Variants in NUDT4 observed in about 807,000 individuals in gnomAD.
The protein encoded by NUDT4 is diphosphoinositol polyphosphate phosphohydrolase 2.
A neutral mutation model predicts 23.1 loss-of-function variants in NUDT4; 5 were observed. The observed-to-expected ratio is 0.22, with a 90% CI of 0.11 to 0.46. The LOEUF (loss-of-function observed/expected upper bound fraction) is 0.46. Ranked by LOEUF, NUDT4 falls within the 20% of genes least tolerant of loss-of-function variation. The pLI is 0.99. For synonymous variants in NUDT4, 50 were observed against 79.0 expected (o/e 0.63, Z 1.95); for missense variants, 96 against 211.6 (o/e 0.45, Z 3.39).
intron 1 of NUDT4, among the ~76,000 whole-genome samples, chr12:93,384,184 C>CTT (rs796263343): frequency 6.8e-6 from 1 of 146,208 alleles, no homozygotes; most frequent in African/African-American, 2.5e-5. Flanking sequence ...GGTGCCCAAG[C>CTT]TTTTTTTTTT....
At chr12:93,378,897 C>T (rs1292043506) in intron 1 of NUDT4, 1 of 560,594 alleles carries the variant, frequency 1.8e-6, no homozygotes, top group African/African-American at 2.0e-5. Context: ...GAGTAACAGA[C>T]AGTCCTCGTG....
chr12:93,388,676 G>A (rs75151373), intron 1 of NUDT4, among the ~76,000 whole-genome samples: 1 of 152,036 alleles, frequency 6.6e-6, no homozygotes, highest in South Asian at 2.1e-4. Flanking sequence ...ATTTTCTTTC[G>A]AAAAGCATTT....
chr12:93,394,848 A>T (rs879121610), intron 2 of NUDT4, 129 bp downstream of exon 2: 26 of 500,000 alleles, frequency 5.2e-5, no homozygotes, highest in East Asian at 1.0e-4. Context: ...TTTAATTTTA[A>T]TTTTTTTTTT....
intron 1 of NUDT4, chr12:93,385,270 G>A (rs933512739): frequency 5.3e-5 from 8 of 152,210 alleles, no homozygotes; most frequent in Non-Finnish European, 1.2e-4. Context: ...GTTGAATAGA[G>A]TAGGAAGAGA....
In NUDT4 at chr12:93,405,161, A is replaced by C. The variant is rs915061873; in HGVS notation, c.*5782A>C. The C allele has an allele frequency of 3.3e-5, 5 of 152,194 alleles. No individual in the cohort carries two copies. The highest frequency in any genetic ancestry group is 7.3e-5 in the Non-Finnish European group (5 of 68,030). 9.4% of individuals were successfully genotyped at this position (152,194 alleles called of 1,614,324 possible). ...TTCAATCTAGTGCAATCAGCCTATC[A>C]CATCTAAGCTGCTTTTGCCAGATCT... On this transcript the variant is annotated 3_prime_UTR_variant, in exon 5 of 5. Transcript: ENST00000415493.
chr12:93,382,674 C>CTTTTTTTTTTTTTTTTTTT lies in NUDT4; in HGVS notation c.99+4255_99+4273dup, dbSNP rs11315217. On this transcript the variant is annotated intron_variant, in intron 1 of 4. Transcript: ENST00000415493. ...AAAATAAGTACTATCCAAAGGTAGC[C>CTTTTTTTTTTTTTTTTTTT]TTTTTTTTTTTTTTTTTTTTGAGAC... is the stretch of plus-strand genomic sequence containing the variant. Among the ~76,000 whole-genome samples, 73 of 111,642 alleles carry CTTTTTTTTTTTTTTTTTTT rather than the reference C, an allele frequency of 6.5e-4. 3 individuals carry two copies. Among genetic ancestry groups the CTTTTTTTTTTTTTTTTTTT allele is most frequent in the African/African-American group, 9.5e-4 (27 of 28,470 alleles). The allele number at this position is 111,642 out of a possible 152,430, so 73.2% of individuals were successfully genotyped here. A position where few individuals can be genotyped will look rare whatever the true frequency, so the allele number is the denominator to read the frequency against.
chr12:93,381,333 TG>T (rs1171268292), intron 1 of NUDT4, among the ~76,000 whole-genome samples: 1 of 152,216 alleles, frequency 6.6e-6, no homozygotes, highest in African/African-American at 2.4e-5. Context: ...TTTTGGCCGC[TG>T]GGCTTCTAGA....
Position 93,403,997 on chromosome 12 carries a change from T to TA in NUDT4, c.*4619dup, listed in dbSNP as rs1261925086. On this transcript the variant is annotated 3_prime_UTR_variant, in exon 5 of 5. Transcript: ENST00000415493. Reference sequence around the variant, plus strand: ...TCAGCAAATTCTGATAACCCGGTATTACTCTTAATGCATTTTTGTAACATT... The same window carrying TA: ...TCAGCAAATTCTGATAACCCGGTATTAACTCTTAATGCATTTTTGTAACATT... The TA allele has an allele frequency of 6.6e-6, 1 of 152,244 alleles. No homozygotes were observed. The highest frequency in any genetic ancestry group is 1.5e-5 in the Non-Finnish European group (1 of 68,050). The allele number at this position is 152,244 out of a possible 1,614,324, so 9.4% of individuals were successfully genotyped here. A position where few individuals can be genotyped will look rare whatever the true frequency, so the allele number is the denominator to read the frequency against.
chr12:93,386,100 C>G (rs967124092), intron 1 of NUDT4, among the ~76,000 whole-genome samples: 1 of 151,576 alleles, frequency 6.6e-6, no homozygotes, highest in South Asian at 2.1e-4. Context: ...CTCAGCCCCC[C>G]GAGTAGCTTG....
At position 93,403,115 on chromosome 12, in the gene NUDT4, G is replaced by T. The variant is rs1412891683; in HGVS notation, c.*3736G>T. 6.6e-6 allele frequency: 1 copy of T among 151,450 alleles called. No homozygotes were observed. Among genetic ancestry groups the T allele is most frequent in the Non-Finnish European group, 1.5e-5 (1 of 67,988 alleles). 9.4% of individuals were successfully genotyped at this position (151,450 alleles called of 1,614,324 possible). ...ACTCCTAGGCTTAAGCAGTCCTCCA[G>T]CCTCAGCCTTCTCAAAGTGCTAGGA... On this transcript the variant is annotated 3_prime_UTR_variant, in exon 5 of 5. Transcript: ENST00000415493.
chr12:93,389,574 A>G (rs573423492), intron 1 of NUDT4, among the ~76,000 whole-genome samples: 11 of 152,276 alleles, frequency 7.2e-5, no homozygotes, highest in African/African-American at 1.9e-4. Flanking sequence ...AAGTTTAGTC[A>G]TGCTGATGTC....
intron 3 of NUDT4, among the ~76,000 whole-genome samples, chr12:93,398,168 C>CTAAAATACAAAATTTTA (rs1877068790): frequency 6.6e-6 from 1 of 151,392 alleles, no homozygotes; most frequent in African/African-American, 2.4e-5. Context: ...GGTGAAACCC[C>CTAAAATACAAAATTTTA]GTCTGTACTA....
intron 1 of NUDT4, among the ~76,000 whole-genome samples, chr12:93,392,084 A>G (rs139680940): frequency 7.9e-5 from 12 of 151,934 alleles, no homozygotes; most frequent in Non-Finnish European, 1.6e-4. Flanking sequence ...GGGTTTCACC[A>G]TGTTGGCCAG....
rs1877719133 is a variant in NUDT4 at position 93,404,911 on chromosome 12, T to TTG, written c.*5533_*5534insGT. 6.6e-6 allele frequency: 1 copy of TTG among 150,842 alleles called. No homozygotes were observed. Among genetic ancestry groups the TTG allele is most frequent in the Non-Finnish European group, 1.5e-5 (1 of 67,936 alleles). 9.3% of individuals were successfully genotyped at this position (150,842 alleles called of 1,614,324 possible). Reference sequence around the variant, plus strand: ...AAAATTTTTTTAATGTTTTAGGTTTTTTTTTTTTTAAAAAAAATACTATGC... The same window carrying TTG: ...AAAATTTTTTTAATGTTTTAGGTTTTTGTTTTTTTTTAAAAAAAATACTATGC... On this transcript the variant is annotated 3_prime_UTR_variant, in exon 5 of 5. Transcript: ENST00000415493.
rs1205277227 is a variant in NUDT4 at position 93,405,345 on chromosome 12, A to G, written c.*5966A>G. The G allele has an allele frequency of 6.6e-6, 1 of 152,212 alleles. No individual in the cohort carries two copies. Among genetic ancestry groups the G allele is most frequent in the Non-Finnish European group, 1.5e-5 (1 of 68,018 alleles). 9.4% of individuals were successfully genotyped at this position (152,212 alleles called of 1,614,324 possible). On this transcript the variant is annotated 3_prime_UTR_variant, in exon 5 of 5. Transcript: ENST00000415493. ...GGAGTCTTTAAAAATAAAACTGAGAAAGAAAAATCATGTGATCAATTCAGT... is the reference window on the plus strand; with the variant it reads ...GGAGTCTTTAAAAATAAAACTGAGAGAGAAAAATCATGTGATCAATTCAGT...
rs762609546 is a variant in NUDT4, at chr12:93,398,757, T to G, written c.256-14T>G. ...CCTGTAGATTAAAATGCATTTCTTT[T>G]TATATTCAAGCAGAACCAAGACCGA... On this transcript the variant is annotated splice_polypyrimidine_tract_variant and intron_variant, in intron 3 of 4. Coordinates refer to ENST00000415493, the MANE Select transcript of NUDT4 (RefSeq NM_019094.6). 5 of 1,574,302 alleles carry G rather than the reference T, an allele frequency of 3.2e-6. No individual in the cohort carries two copies. The highest frequency in any genetic ancestry group is 4.3e-6 in the Non-Finnish European group (5 of 1,151,046).
At chr12:93,382,224 A>G (rs1039908268) in intron 1 of NUDT4, among the ~76,000 whole-genome samples, 1 of 147,592 alleles carries the variant, frequency 6.8e-6, no homozygotes, top group Non-Finnish European at 1.5e-5. Flanking sequence ...AGATCATGCC[A>G]TTGCACTCCA....
chr12:93,386,734 A>G (rs1364867934), intron 1 of NUDT4, among the ~76,000 whole-genome samples: 1 of 152,172 alleles, frequency 6.6e-6, no homozygotes, highest in Non-Finnish European at 1.5e-5. Flanking sequence ...CAAAATTTCC[A>G]TTATTGACTA....
chr12:93,391,629 C>T (rs1876513716), intron 1 of NUDT4, among the ~76,000 whole-genome samples: 1 of 151,324 alleles, frequency 6.6e-6, no homozygotes, highest in Non-Finnish European at 1.5e-5. Context: ...CCCAACTGCT[C>T]GGGAAGCTGG....
Sources: gnomAD v4.1 joint callset for allele counts (sites outside exome capture counted in the v4.1 genomes callset) on GRCh38, gnomAD v4.1.1 for gene constraint, MANE v1.5 for transcripts, NCBI Gene and HGNC (gene_info 2026-07-23, HGNC 2026-07-21) for gene names.